Variants in PPIG observed in about 807,000 individuals in gnomAD.
PPIG encodes peptidylprolyl isomerase G.
A neutral mutation model predicts 87.9 loss-of-function variants in PPIG; 26 were observed. That is an observed-to-expected ratio of 0.30 (90% CI 0.22 to 0.41). The LOEUF (loss-of-function observed/expected upper bound fraction) is 0.41, where lower values mean the gene tolerates loss of function less well. PPIG is among the 10% of genes least tolerant of loss of function. The pLI, the probability that PPIG is intolerant of heterozygous loss-of-function variation, is 1.00. For missense variants in PPIG, 722 were observed against 879.4 expected, an observed-to-expected ratio of 0.82 and a Z score of 2.26; for synonymous variants, 308 against 276.5, an observed-to-expected ratio of 1.11 and a Z score of -1.13.
intron 9 of PPIG, among the ~76,000 whole-genome samples, chr2:169,630,067 ATCT>A (rs905674676): frequency 1.3e-5 from 2 of 151,694 alleles, no homozygotes; most frequent in Non-Finnish European, 2.9e-5. Context: ...AATTTGTAGT[ATCT>A]TCTTCTAATT....
Position 169,639,141 on chromosome 2 carries a change from A to G in PPIG, c.*1618A>G, listed in dbSNP as rs1686255738. ...GATTGCTTGGAAAATTGTAATACAGATATCCACAATGAATTCTTTCCAAAA... is the reference window on the plus strand; with the variant it reads ...GATTGCTTGGAAAATTGTAATACAGGTATCCACAATGAATTCTTTCCAAAA... On this transcript the variant is annotated 3_prime_UTR_variant, in exon 14 of 14. Transcript: ENST00000260970. 6.6e-6 allele frequency: 1 copy of G among 152,016 alleles called. No homozygotes were observed. The highest frequency in any genetic ancestry group is 2.4e-5 in the African/African-American group (1 of 41,442). 9.4% of individuals were successfully genotyped at this position (152,016 alleles called of 1,614,324 possible).
chr2:169,625,825 G>T (rs1685867184), intron 9 of PPIG, among the ~76,000 whole-genome samples: 1 of 152,064 alleles, frequency 6.6e-6, no homozygotes, highest in African/African-American at 2.4e-5. Context: ...GTTTCAGGAT[G>T]AAACTGTTCC....
At chr2:169,611,071 G>A (rs193051769) in intron 7 of PPIG, among the ~76,000 whole-genome samples, 49 of 152,250 alleles carry the variant, frequency 3.2e-4, no homozygotes, top group African/African-American at 1.1e-3. Context: ...AGCTGGGTGT[G>A]CTTGCGGGCG....
chr2:169,612,630 C>T (rs2105497996), intron 7 of PPIG, among the ~76,000 whole-genome samples: 1 of 152,264 alleles, frequency 6.6e-6, no homozygotes, highest in East Asian at 1.9e-4. Context: ...GATCCACCCG[C>T]CTTGGCCTCC....
At chr2:169,618,962 T>G (rs1467148394) in intron 9 of PPIG, among the ~76,000 whole-genome samples, 1 of 152,158 alleles carries the variant, frequency 6.6e-6, no homozygotes, top group Non-Finnish European at 1.5e-5. Flanking sequence ...TTCTTTTAAT[T>G]GTGATGTTAG....
intron 9 of PPIG, among the ~76,000 whole-genome samples, chr2:169,625,578 G>A (rs1046277112): frequency 6.6e-6 from 1 of 152,052 alleles, no homozygotes. Flanking sequence ...TGATGTTAGT[G>A]TCTCCTTAAG....
chr2:169,624,211 C>T (rs1558898367), intron 9 of PPIG, among the ~76,000 whole-genome samples: 1 of 152,194 alleles, frequency 6.6e-6, no homozygotes, highest in African/African-American at 2.4e-5. Context: ...AGCGATCCTT[C>T]TAACTTGACC....
At chr2:169,588,690 A>G (rs2683436) in intron 1 of PPIG, among the ~76,000 whole-genome samples, 115,341 of 152,008 alleles carry the variant, frequency 0.76, 43,977 homozygotes, top group East Asian at 0.95. Flanking sequence ...GGCGGAGTGC[A>G]GTGGCTCACG....
chr2:169,635,962 T>C (rs1686167152), intron 12 of PPIG, 130 bp from the exon 13 acceptor site: 1 of 481,904 alleles, frequency 2.1e-6, no homozygotes, highest in Non-Finnish European at 3.5e-6. Context: ...CAATGCTTTT[T>C]ATATTTTTTT....
Position 169,636,862 on chromosome 2 carries a change from G to C in PPIG, c.1604G>C (p.Ser535Thr). 1.9e-6 allele frequency: 3 copies of C among 1,613,800 alleles called. No homozygotes were observed. Among genetic ancestry groups the C allele is most frequent in the South Asian group, 2.2e-5 (2 of 91,056 alleles). ...AGTAATGAGCATGATCACAGTAAAA[G>C]TAAGGAAAAGGATAGACGCGCACAA... ...SKSNEHDHSK[S>T]KEKDRRAQSR... The change falls in exon 14 of 14, where the codon AGT (serine) becomes ACT (threonine). Residue 535 changes from serine to threonine, a missense_variant. Ser to Thr is a moderately conservative substitution (Grantham distance 58, BLOSUM62 1). Coordinates refer to ENST00000260970, the MANE Select transcript of PPIG (RefSeq NM_004792.3).
chr2:169,598,110 C>T (rs552024721), intron 1 of PPIG, among the ~76,000 whole-genome samples: 2 of 151,468 alleles, frequency 1.3e-5, no homozygotes, highest in South Asian at 2.1e-4. Context: ...AAATGATCCT[C>T]CTGCCTCAGC....
At chr2:169,630,625 T>G in intron 9 of PPIG, 149 bp from the exon 10 acceptor site, 2 of 653,924 alleles carry the variant, frequency 3.1e-6, no homozygotes, top group Non-Finnish European at 2.6e-6. Context: ...TCCTGAGTCT[T>G]GACTCCTTTC....
At chr2:169,594,140 A>G (rs1482253509) in intron 1 of PPIG, among the ~76,000 whole-genome samples, 1 of 152,118 alleles carries the variant, frequency 6.6e-6, no homozygotes, top group East Asian at 1.9e-4. Flanking sequence ...AATTTAGAGT[A>G]GTTCCTCATA....
At chr2:169,614,190 C>T (rs1166113746) in intron 7 of PPIG, among the ~76,000 whole-genome samples, 1 of 152,114 alleles carries the variant, frequency 6.6e-6, no homozygotes, top group Non-Finnish European at 1.5e-5. Context: ...TTAGAAATAA[C>T]ACTGAAATGT....
chr2:169,586,972 C>T (rs1161730909), intron 1 of PPIG, among the ~76,000 whole-genome samples: 1 of 151,992 alleles, frequency 6.6e-6, no homozygotes, highest in African/African-American at 2.4e-5. Flanking sequence ...CTTGCTCTGT[C>T]GCCCAGGCTG....
At chr2:169,609,234 A>G (rs1685420908) in intron 7 of PPIG, among the ~76,000 whole-genome samples, 1 of 152,112 alleles carries the variant, frequency 6.6e-6, no homozygotes, top group South Asian at 2.1e-4. Flanking sequence ...TTTTTGAGAC[A>G]AGGTCTTGCT....
At chr2:169,628,204 G>A (rs1313554974) in intron 9 of PPIG, among the ~76,000 whole-genome samples, 1 of 152,124 alleles carries the variant, frequency 6.6e-6, no homozygotes, top group Non-Finnish European at 1.5e-5. Flanking sequence ...TACATCAACA[G>A]CATAGAGGCA....
chr2:169,637,438 G>C lies in PPIG; in HGVS notation c.2180G>C (p.Gly727Ala). The change falls in exon 14 of 14, where the codon GGT (glycine) becomes GCT (alanine). Residue 727 changes from glycine (G) to alanine (A), a missense_variant. Coordinates refer to ENST00000260970, the MANE Select transcript of PPIG (RefSeq NM_004792.3). The stretch of plus-strand genomic sequence containing the variant: ...GAAAAAGAAAACCAAAAATCAAAAG[G>C]TCAAGAAAATGACCATGTACATGAA... ...SVEKENQKSKGQENDHVHEKN... is the reference protein window; with the variant it reads ...SVEKENQKSKAQENDHVHEKN... 6.2e-7 allele frequency: 1 copy of C among 1,611,776 alleles called. No homozygotes were observed. The highest frequency in any genetic ancestry group is 8.5e-7 in the Non-Finnish European group (1 of 1,179,370).
intron 9 of PPIG, among the ~76,000 whole-genome samples, chr2:169,616,809 C>G (rs1197501921): frequency 6.6e-6 from 1 of 152,280 alleles, no homozygotes; most frequent in Non-Finnish European, 1.5e-5. Context: ...CCTGTTCACT[C>G]TGATGATAGT....
Sources: allele counts gnomAD v4.1 joint callset (sites outside exome capture counted in the v4.1 genomes callset), GRCh38; gene constraint gnomAD v4.1.1; transcripts MANE v1.5; gene names NCBI Gene and HGNC (gene_info 2026-07-23, HGNC 2026-07-21).